CACNA2D3: variants seen among roughly 807,000 people sequenced by gnomAD.
CACNA2D3 encodes the protein calcium voltage-gated channel auxiliary subunit alpha2delta 3.
CACNA2D3 carries 60 observed loss-of-function variants against 160.6 expected under a neutral mutation model. That is an observed-to-expected ratio of 0.37 (90% CI 0.30 to 0.46). The LOEUF (loss-of-function observed/expected upper bound fraction) is 0.46, where lower values mean the gene tolerates loss of function less well. Ranked by LOEUF, CACNA2D3 falls within the 20% of genes least tolerant of loss-of-function variation. The probability of loss-of-function intolerance (pLI) is 1.00; values close to 1 mark genes in which losing one functional copy is unlikely to be tolerated. For missense variants in CACNA2D3, 1,205 were observed against 1,365.0 expected (o/e 0.88, Z 1.85); for synonymous variants, 558 against 492.9 (o/e 1.13, Z -1.75).
chr3:54,487,015 C>T (rs538453035), intron 4 of CACNA2D3, among the ~76,000 whole-genome samples: 1 of 152,306 alleles, frequency 6.6e-6, no homozygotes, highest in South Asian at 2.1e-4. Flanking sequence ...TTAGTCACCT[C>T]CTTTTCCTCC....
chr3:54,239,328 A>C (rs559663441), intron 2 of CACNA2D3, among the ~76,000 whole-genome samples: 1 of 152,340 alleles, frequency 6.6e-6, no homozygotes, highest in South Asian at 2.1e-4. Flanking sequence ...AATATTCATA[A>C]GGTTAACCAC....
chr3:55,020,970 C>T (rs1038678869), intron 35 of CACNA2D3, among the ~76,000 whole-genome samples: 2 of 152,078 alleles, frequency 1.3e-5, no homozygotes, highest in Admixed American at 6.6e-5. Flanking sequence ...CTTGCACTGT[C>T]ATTTGGCTTT....
chr3:54,432,951 C>CA (rs1300519749), intron 4 of CACNA2D3, among the ~76,000 whole-genome samples: 4 of 148,120 alleles, frequency 2.7e-5, no homozygotes, highest in African/African-American at 7.4e-5. Flanking sequence ...TTGCGTGGGT[C>CA]AAAAAAAAAT....
intron 2 of CACNA2D3, among the ~76,000 whole-genome samples, chr3:54,274,497 T>G (rs1240916649): frequency 2.0e-5 from 3 of 152,234 alleles, no homozygotes; most frequent in Non-Finnish European, 2.9e-5. Flanking sequence ...CTCGTCACTG[T>G]GTGTTCGGGG....
intron 3 of CACNA2D3, among the ~76,000 whole-genome samples, chr3:54,335,366 T>C (rs1575401687): frequency 6.6e-6 from 1 of 152,322 alleles, no homozygotes; most frequent in Non-Finnish European, 1.5e-5. Context: ...TGCTGGTTGC[T>C]CATTTTTTTG....
chr3:54,945,397 C>T (rs1377841007), intron 27 of CACNA2D3, among the ~76,000 whole-genome samples: 1 of 152,154 alleles, frequency 6.6e-6, no homozygotes, highest in African/African-American at 2.4e-5. Context: ...TCTTCAAATG[C>T]CATCTCTTTT....
At chr3:54,267,671 C>CTGGCTGTT (rs1165935672) in intron 2 of CACNA2D3, among the ~76,000 whole-genome samples, 54 of 152,262 alleles carry the variant, frequency 3.5e-4, no homozygotes, top group African/African-American at 1.1e-3. Flanking sequence ...CACCCAATCC[C>CTGGCTGTT]TGGCTGTTTT....
intron 31 of CACNA2D3, among the ~76,000 whole-genome samples, chr3:54,996,785 A>G (rs150776537): frequency 2.5e-4 from 38 of 152,290 alleles, no homozygotes; most frequent in East Asian, 7.7e-4. Flanking sequence ...ATGCCCATCA[A>G]TGATAGACTA....
intron 35 of CACNA2D3, among the ~76,000 whole-genome samples, chr3:55,020,134 T>G (rs903851648): frequency 1.3e-5 from 2 of 151,784 alleles, no homozygotes; most frequent in Admixed American, 1.3e-4. Context: ...AAAATTTTCC[T>G]TAGTTTGTTA....
chr3:54,548,663 G>C (rs1427827166), intron 5 of CACNA2D3, among the ~76,000 whole-genome samples: 2 of 152,306 alleles, frequency 1.3e-5, no homozygotes, highest in South Asian at 4.2e-4. Flanking sequence ...GCGTTTCAAA[G>C]GATGACAGGG....
intron 27 of CACNA2D3, among the ~76,000 whole-genome samples, chr3:54,902,172 G>A (rs1005720097): frequency 6.6e-6 from 1 of 152,174 alleles, no homozygotes. Flanking sequence ...TGAAAGAAGA[G>A]GTGTACAACT....
intron 27 of CACNA2D3, among the ~76,000 whole-genome samples, chr3:54,937,186 A>G (rs2106972368): frequency 6.6e-6 from 1 of 152,318 alleles, no homozygotes; most frequent in African/African-American, 2.4e-5. Context: ...CTTTGTGTGT[A>G]TTCTTTCTTG....
At position 54,386,694 on chromosome 3, in the gene CACNA2D3, G is replaced by GTTTTTT. The variant is rs62967361; in HGVS notation, c.322-8_322-3dup. On this transcript the variant is annotated intron_variant, in intron 3 of 37. Coordinates refer to ENST00000474759, the MANE Select transcript of CACNA2D3 (RefSeq NM_018398.3). ...ATTCTGATCCTTAATGCTGTCTTCT[G>GTTTTTT]TTTTTTTTTTTTTTTTTTAGCGTCT... 1,206 of 1,407,330 alleles carry GTTTTTT rather than the reference G, an allele frequency of 8.6e-4. 3 individuals carry two copies. The highest frequency in any genetic ancestry group is 6.0e-3 in the African/African-American group (383 of 63,546). 87.2% of individuals were successfully genotyped at this position (1,407,330 alleles called of 1,614,324 possible). A position where few individuals can be genotyped will look rare whatever the true frequency, so the allele number is the denominator to read the frequency against.
At chr3:54,733,934 C>G (rs1701444073) in intron 11 of CACNA2D3, among the ~76,000 whole-genome samples, 1 of 151,754 alleles carries the variant, frequency 6.6e-6, no homozygotes, top group Non-Finnish European at 1.5e-5. Context: ...GTACAAAGAA[C>G]TCGATTTTTA....
intron 27 of CACNA2D3, among the ~76,000 whole-genome samples, chr3:54,907,088 G>A (rs148322101): frequency 3.2e-4 from 48 of 152,236 alleles, no homozygotes; most frequent in African/African-American, 1.0e-3. Context: ...GCCCCAACGC[G>A]CCCTCCACTC....
chr3:54,927,912 G>A, intron 27 of CACNA2D3: 5 of 1,613,626 alleles, frequency 3.1e-6, no homozygotes, highest in Non-Finnish European at 4.2e-6. Flanking sequence ...CACCTTTCAT[G>A]ACTGAGTCTC....
chr3:54,156,605 G>T (rs559546132), intron 2 of CACNA2D3, among the ~76,000 whole-genome samples: 2 of 152,354 alleles, frequency 1.3e-5, no homozygotes, highest in Admixed American at 6.5e-5. Context: ...CTGAAGCAGG[G>T]CTGGCCCTTC....
At chr3:54,755,123 A>G (rs1022244999) in intron 12 of CACNA2D3, among the ~76,000 whole-genome samples, 1 of 152,240 alleles carries the variant, frequency 6.6e-6, no homozygotes, top group African/African-American at 2.4e-5. Context: ...GCAAGGCACA[A>G]TATCGGAAAG....
intron 3 of CACNA2D3, among the ~76,000 whole-genome samples, chr3:54,371,089 A>G (rs936605086): frequency 2.6e-5 from 4 of 152,186 alleles, no homozygotes; most frequent in African/African-American, 9.6e-5. Context: ...GTATGGATAC[A>G]TTCCATTTTG....
Sources: gnomAD v4.1 joint callset for allele counts (sites outside exome capture counted in the v4.1 genomes callset) on GRCh38, gnomAD v4.1.1 for gene constraint, MANE v1.5 for transcripts, NCBI Gene and HGNC (gene_info 2026-07-23, HGNC 2026-07-21) for gene names.